The following COL4A4 variants were observed in gnomAD, a reference collection of about 807,000 sequenced individuals.
COL4A4 encodes collagen type IV alpha 4 chain.
Under a neutral mutation model 192.9 loss-of-function variants are expected in COL4A4, and 105 were observed. The ratio of observed to expected loss-of-function variants is 0.54; its 90% CI spans 0.46 to 0.64. The LOEUF (loss-of-function observed/expected upper bound fraction) is 0.64. Among genes scored for constraint, COL4A4 ranks in the 30% least tolerant of loss-of-function variants. The pLI is 0.00. For missense variants in COL4A4, 1,967 were observed against 2,169.3 expected, an observed-to-expected ratio of 0.91 and a Z score of 1.85; for synonymous variants, 762 against 769.9, an observed-to-expected ratio of 0.99 and a Z score of 0.17.
chr2:227,070,968 T>C (rs760785723), intron 25 of COL4A4, among the ~76,000 whole-genome samples: 80 of 152,152 alleles, frequency 5.3e-4, no homozygotes, highest in Non-Finnish European at 8.8e-4. Flanking sequence ...CTCTTGAAAC[T>C]TTAGAACTCA....
intron 7 of COL4A4, among the ~76,000 whole-genome samples, chr2:227,115,988 G>A (rs1436605440): frequency 1.3e-5 from 2 of 152,180 alleles, no homozygotes; most frequent in Non-Finnish European, 1.5e-5. Flanking sequence ...GCATGATCAC[G>A]TGATGTTACC....
At chr2:227,101,772 T>C in intron 16 of COL4A4, 93 bp downstream of exon 16, 1 of 1,147,394 alleles carries the variant, frequency 8.7e-7, no homozygotes, top group Non-Finnish European at 1.3e-6. Flanking sequence ...TCCTAATTAC[T>C]GTGTTTGCAC....
intron 44 of COL4A4, among the ~76,000 whole-genome samples, chr2:227,014,888 C>G (rs1315198394): frequency 1.4e-5 from 2 of 145,014 alleles, no homozygotes; most frequent in Non-Finnish European, 3.0e-5. Flanking sequence ...GCCACCATGC[C>G]TGGCTTTTTT....
At chr2:227,082,019 A>G in intron 23 of COL4A4, 96 bp downstream of exon 23, 2 of 1,057,438 alleles carry the variant, frequency 1.9e-6, no homozygotes, top group Non-Finnish European at 1.5e-6. Flanking sequence ...TAAATTGTAT[A>G]GAATTGATCT....
Position 227,088,682 on chromosome 2 carries a change from G to A in COL4A4, c.1594C>T (p.Pro532Ser), listed in dbSNP as rs1220014019. 2 of 1,613,994 alleles carry A rather than the reference G, an allele frequency of 1.2e-6. No individual in the cohort carries two copies. The highest frequency in any genetic ancestry group is 2.2e-5 in the East Asian group (1 of 44,892). Residue 532 changes from proline to serine, a missense_variant, in exon 22 of 48, where the codon CCT (proline) becomes TCT (serine). Transcript: ENST00000396625. The stretch of plus-strand genomic sequence containing the variant: ...AGCCCTGGAGGTCCTTCAGCACCAG[G>A]AGGTCCTGGGTCACCTTTTGTTCCA... ...WLGTKGDPGP[P>S]GAEGPPGLPG...
intron 24 of COL4A4, among the ~76,000 whole-genome samples, chr2:227,079,403 A>G (rs2059203945): frequency 6.6e-6 from 1 of 152,252 alleles, no homozygotes; most frequent in African/African-American, 2.4e-5. Context: ...CTTGAGAGGA[A>G]GAATGAATTA....
rs937127280 is a variant in COL4A4, at chr2:227,005,450, G to T, written c.*1875C>A. The T allele has an allele frequency of 6.6e-6, 1 of 152,084 alleles. No homozygotes were observed. Among genetic ancestry groups the T allele is most frequent in the African/African-American group, 2.4e-5 (1 of 41,418 alleles). 9.4% of individuals were successfully genotyped at this position (152,084 alleles called of 1,614,324 possible). ...GTAATCACAAATAAGATTGAAATTG[G>T]CTTAAGTTTTAGGTGCACAAAAATA... On this transcript the variant is annotated 3_prime_UTR_variant, in exon 48 of 48. Transcript: ENST00000396625.
intron 4 of COL4A4, among the ~76,000 whole-genome samples, chr2:227,137,943 CA>C (rs1165308346): frequency 9.9e-5 from 15 of 151,784 alleles, no homozygotes. Context: ...CACATTTACA[CA>C]AAAAAGCTAA....
chr2:227,071,692 A>T (rs2058733770), intron 25 of COL4A4, among the ~76,000 whole-genome samples: 1 of 152,190 alleles, frequency 6.6e-6, no homozygotes, highest in Admixed American at 6.6e-5. Flanking sequence ...AAATTGTATC[A>T]AGTATCTTCT....
At chr2:227,050,796 G>C (rs867308721) in intron 33 of COL4A4, among the ~76,000 whole-genome samples, 181 bp downstream of exon 33, 1 of 152,222 alleles carries the variant, frequency 6.6e-6, no homozygotes, top group South Asian at 2.1e-4. Context: ...GCACTGGTCA[G>C]AAATGTCAGT....
intron 25 of COL4A4, among the ~76,000 whole-genome samples, chr2:227,074,749 C>A (rs2058924948): frequency 6.6e-6 from 1 of 152,108 alleles, no homozygotes; most frequent in South Asian, 2.1e-4. Context: ...ATGGCTTTTG[C>A]AGCAACTTAG....
At chr2:226,973,836 G>A in the COL4A4 span, among the ~76,000 whole-genome samples, 9 of 152,154 alleles carry the variant, frequency 5.9e-5, no homozygotes, top group South Asian at 2.1e-4. Context: ...GAACAACTCC[G>A]GAGCCCATGA....
chr2:227,042,085 C>T (rs1971589635), intron 37 of COL4A4, 63 bp downstream of exon 37: 1 of 1,012,322 alleles, frequency 9.9e-7, no homozygotes, highest in Non-Finnish European at 1.6e-6. Context: ...AGGAAAAAAA[C>T]ACCATCAATT....
intron 4 of COL4A4, among the ~76,000 whole-genome samples, chr2:227,133,698 C>T (rs2062627883): frequency 6.6e-6 from 1 of 152,072 alleles, no homozygotes; most frequent in Non-Finnish European, 1.5e-5. Flanking sequence ...TTGAGACCAG[C>T]CTGGCCAACA....
At chr2:227,103,093 A>G in intron 14 of COL4A4, 51 bp downstream of exon 14, 3 of 1,468,500 alleles carry the variant, frequency 2.0e-6, no homozygotes, top group Non-Finnish European at 2.8e-6. Context: ...ATTTTAAGTT[A>G]AGATAGTACA....
chr2:227,101,570 A>G lies in COL4A4; in HGVS notation c.976-13T>C. The G allele has an allele frequency of 6.3e-7, 1 of 1,585,438 alleles. No homozygotes were observed. Among genetic ancestry groups the G allele is most frequent in the Non-Finnish European group, 8.5e-7 (1 of 1,170,850 alleles). On this transcript the variant is annotated splice_polypyrimidine_tract_variant and intron_variant, in intron 16 of 47. Transcript: ENST00000396625. The stretch of plus-strand genomic sequence containing the variant: ...GTCCTAGTTCTCCCTACAAACAAGC[A>G]CAAACATGCCTTAAAAAAAAAAAGT...
chr2:226,976,564 GCA>G, the COL4A4 span, among the ~76,000 whole-genome samples: 1 of 152,136 alleles, frequency 6.6e-6, no homozygotes, highest in Non-Finnish European at 1.5e-5. Flanking sequence ...GATGAAGAAT[GCA>G]CACAGTTCCG....
At chr2:227,103,647 C>G (rs754291232) in intron 13 of COL4A4, among the ~76,000 whole-genome samples, 8 of 152,226 alleles carry the variant, frequency 5.3e-5, no homozygotes, top group Non-Finnish European at 7.3e-5. Context: ...TCAAACTCAT[C>G]TGTAACATCT....
chr2:227,144,070 G>C (rs2063391738), intron 3 of COL4A4, among the ~76,000 whole-genome samples: 1 of 152,206 alleles, frequency 6.6e-6, no homozygotes, highest in South Asian at 2.1e-4. Context: ...CTGAGTTGCA[G>C]GCAGGCCACA....
Sources: gnomAD v4.1 joint callset for allele counts (sites outside exome capture counted in the v4.1 genomes callset) on GRCh38, gnomAD v4.1.1 for gene constraint, MANE v1.5 for transcripts, NCBI Gene and HGNC (gene_info 2026-07-23, HGNC 2026-07-21) for gene names.